IGSF11: variants seen among roughly 807,000 people sequenced by gnomAD.
IGSF11 encodes the protein CXADR like 1.
A neutral mutation model predicts 41.0 loss-of-function variants in IGSF11; 22 were observed. The ratio of observed to expected loss-of-function variants is 0.54; its 90% confidence interval spans 0.38 to 0.77. The LOEUF is 0.77. Among genes scored for constraint, IGSF11 ranks in the 30% least tolerant of loss-of-function variants. IGSF11 has a pLI of 0.00. For synonymous variants in IGSF11, 219 were observed against 201.3 expected (o/e 1.09, Z -0.74); for missense variants, 444 against 530.8 (o/e 0.84, Z 1.61).
chr3:118,979,228 A>G (rs1934452313), intron 1 of IGSF11, among the ~76,000 whole-genome samples: 1 of 152,190 alleles, frequency 6.6e-6, no homozygotes, highest in South Asian at 2.1e-4. Context: ...CACAATATAA[A>G]TCAATAAACA....
At chr3:118,978,269 C>T (rs867151019) in intron 1 of IGSF11, among the ~76,000 whole-genome samples, 114 of 152,306 alleles carry the variant, frequency 7.5e-4, no homozygotes, top group African/African-American at 2.5e-3. Context: ...GCACCCACCC[C>T]TCACATGCTA....
At chr3:118,992,816 T>G (rs562640966) in intron 1 of IGSF11, among the ~76,000 whole-genome samples, 46 of 152,242 alleles carry the variant, frequency 3.0e-4, no homozygotes, top group African/African-American at 1.0e-3. Context: ...TTTATGAAAA[T>G]TAAGAATTTT....
Position 118,987,587 on chromosome 3 carries a change from C to T in IGSF11, c.52+46944G>A, listed in dbSNP as rs921128427. 3.3e-5 allele frequency among the ~76,000 whole-genome samples: 5 copies of T among 152,278 alleles called. 1 individual carries two copies. Among genetic ancestry groups the T allele is most frequent in the East Asian group, 1.9e-4 (1 of 5,186 alleles). ...GCTAAACAATGTTTGGAGCTCATCA[C>T]TCAGAGAGTTAAAAGGGCTACGATT... On this transcript the variant is annotated intron_variant, in intron 1 of 6. Coordinates refer to ENST00000393775, the MANE Select transcript of IGSF11 (RefSeq NM_001015887.3).
intron 1 of IGSF11, among the ~76,000 whole-genome samples, chr3:119,021,231 T>C (rs9831203): frequency 0.21 from 32,200 of 152,080 alleles, 3,955 homozygotes; most frequent in African/African-American, 0.34. Flanking sequence ...ACTAAAATGA[T>C]TATTTTAAAA....
chr3:119,089,632 A>C (rs2076731637), intron 1 of IGSF11, among the ~76,000 whole-genome samples: 1 of 152,216 alleles, frequency 6.6e-6, no homozygotes, highest in South Asian at 2.1e-4. Flanking sequence ...GACAAAGTCA[A>C]ACTATCTCTC....
chr3:119,122,464 G>A (rs1379880013), intron 1 of IGSF11, among the ~76,000 whole-genome samples: 3 of 152,172 alleles, frequency 2.0e-5, no homozygotes, highest in Non-Finnish European at 1.5e-5. Flanking sequence ...AACTTGAAAC[G>A]AAGTCTAGGC....
chr3:119,010,749 A>G (rs1036385661), intron 1 of IGSF11, among the ~76,000 whole-genome samples: 18 of 152,092 alleles, frequency 1.2e-4, no homozygotes, highest in Non-Finnish European at 7.4e-5. Context: ...CTCATAATAA[A>G]TCTCTTTCTA....
intron 1 of IGSF11, among the ~76,000 whole-genome samples, chr3:118,934,679 C>T (rs1943109296): frequency 6.6e-6 from 1 of 152,142 alleles, no homozygotes; most frequent in Non-Finnish European, 1.5e-5. Flanking sequence ...CCTTTGCATG[C>T]CCACCTCCCA....
intron 1 of IGSF11, among the ~76,000 whole-genome samples, chr3:118,983,815 A>C (rs1290321184): frequency 6.6e-6 from 1 of 152,208 alleles, no homozygotes; most frequent in East Asian, 1.9e-4. Context: ...CCACTCCATA[A>C]ATCACAGGGG....
intron 1 of IGSF11, among the ~76,000 whole-genome samples, chr3:119,068,889 T>A (rs1660054946): frequency 6.6e-6 from 1 of 151,424 alleles, no homozygotes; most frequent in African/African-American, 2.4e-5. Flanking sequence ...TATAAAGGTA[T>A]GATTTATGAG....
At chr3:118,946,243 T>A (rs1014840823) in intron 1 of IGSF11, among the ~76,000 whole-genome samples, 6 of 150,202 alleles carry the variant, frequency 4.0e-5, no homozygotes, top group African/African-American at 7.4e-5. Context: ...TATATATATA[T>A]AAATCCGGAA....
chr3:119,020,605 T>C (rs1939192980), intron 1 of IGSF11, among the ~76,000 whole-genome samples: 1 of 152,214 alleles, frequency 6.6e-6, no homozygotes, highest in South Asian at 2.1e-4. Context: ...TCATACACAT[T>C]TGTCATCCTT....
Position 119,056,319 on chromosome 3 carries a change from T to G in IGSF11, c.49+48825A>C, listed in dbSNP as rs915375625. On this transcript the variant is annotated intron_variant, in intron 1 of 6. Coordinates refer to the IGSF11 transcript ENST00000354673. ...CCATCGATTACACAGAAATATAAAC[T>G]ACCATCAGAGAATACTATAAACACC... Among the ~76,000 whole-genome samples, 7 of 152,158 alleles carry G rather than the reference T, an allele frequency of 4.6e-5. No individual in the cohort carries two copies. The East Asian group carries it at 1.3e-3, about 29-fold the overall frequency.
chr3:118,957,593 T>C lies in IGSF11; in HGVS notation c.53-27318A>G, dbSNP rs376669757. Among the ~76,000 whole-genome samples, 15 of 152,360 alleles carry C rather than the reference T, an allele frequency of 9.8e-5. No homozygotes were observed. The East Asian group carries it at 2.7e-3, about 27-fold the overall frequency. ...CTGCTCCCAGAGTGCATGCATGCTC[T>C]TACTCATCACACTCGCCATTCCTTG... On this transcript the variant is annotated intron_variant, in intron 1 of 6. Transcript: ENST00000393775.
At chr3:119,133,748 C>T (rs2077517230) in intron 1 of IGSF11, among the ~76,000 whole-genome samples, 1 of 152,180 alleles carries the variant, frequency 6.6e-6, no homozygotes, top group African/African-American at 2.4e-5. Context: ...GCTACAAAAG[C>T]CTGGAAGAGA....
chr3:119,083,260 C>G (rs1167133600), intron 1 of IGSF11, among the ~76,000 whole-genome samples: 1 of 151,670 alleles, frequency 6.6e-6, no homozygotes, highest in Non-Finnish European at 1.5e-5. Context: ...GCTGGGACTA[C>G]AGGAACAAGC....
intron 1 of IGSF11, among the ~76,000 whole-genome samples, chr3:119,040,431 G>A (rs567016495): frequency 9.8e-5 from 15 of 152,302 alleles, no homozygotes; most frequent in Non-Finnish European, 1.2e-4. Context: ...CCAGCTCTGC[G>A]TGAATTACTC....
intron 1 of IGSF11, among the ~76,000 whole-genome samples, chr3:118,937,718 A>G (rs1284993222): frequency 6.6e-6 from 1 of 152,202 alleles, no homozygotes; most frequent in African/African-American, 2.4e-5. Context: ...GTTGGTGTAC[A>G]ACGGCAAGCT....
intron 4 of IGSF11, among the ~76,000 whole-genome samples, chr3:118,918,572 A>C (rs796229269): frequency 1.1e-3 from 143 of 130,578 alleles, no homozygotes; most frequent in African/African-American, 1.7e-3. Context: ...GACCTCTTCG[A>C]GGAGAACTAC....
Sources: allele counts gnomAD v4.1 joint callset (sites outside exome capture counted in the v4.1 genomes callset), GRCh38; gene constraint gnomAD v4.1.1; transcripts MANE v1.5; gene names NCBI Gene and HGNC (gene_info 2026-07-23, HGNC 2026-07-21).